CLTCL1: variants seen among roughly 807,000 people sequenced by gnomAD.
The protein encoded by CLTCL1 is clathrin heavy chain 2.
In CLTCL1, 159 loss-of-function variants were observed where a neutral mutation model predicts 190.0. The ratio of observed to expected loss-of-function variants is 0.84; its 90% CI spans 0.74 to 0.95. The LOEUF (loss-of-function observed/expected upper bound fraction) is 0.95, where lower values mean the gene tolerates loss of function less well. Ranked by LOEUF, CLTCL1 falls within the 40% of genes least tolerant of loss-of-function variation. CLTCL1 has a pLI of 0.00. For missense variants in CLTCL1, 1,878 were observed against 2,033.4 expected (o/e 0.92, Z 1.47); for synonymous variants, 752 against 769.6 (o/e 0.98, Z 0.38).
At chr22:19,224,179 A>C (rs2085666740) in intron 13 of CLTCL1, 125 bp from the exon 14 acceptor site, 1 of 880,128 alleles carries the variant, frequency 1.1e-6, no homozygotes, top group African/African-American at 1.7e-5. Flanking sequence ...CTCAGAACTC[A>C]TAATCAATAT....
chr22:19,258,298 A>G (rs3788295), intron 2 of CLTCL1: 31,705 of 377,694 alleles, frequency 0.084, 2,592 homozygotes, highest in East Asian at 0.42. Context: ...AAGCTGACTC[A>G]GAAGAACCTA....
rs1243122817 is a variant in CLTCL1, at chr22:19,210,413, G to A, written c.3162C>T (p.Asp1054=). 8.7e-6 allele frequency: 14 copies of A among 1,613,920 alleles called. No homozygotes were observed. The highest frequency in any genetic ancestry group is 1.2e-5 in the Non-Finnish European group (14 of 1,179,894). The change falls in exon 20 of 33, where the codon GAC becomes GAT. Residue 1054 remains aspartate (D), a synonymous_variant. Transcript: ENST00000427926. ...ISRLDNYDAL[D]IASIAVSSAL... ...CGCTGCTGACAGCGATGCTCGCGATGTCCAGTGCGTCATAGTTGTCCAGGC... is the reference window on the plus strand; with the variant it reads ...CGCTGCTGACAGCGATGCTCGCGATATCCAGTGCGTCATAGTTGTCCAGGC...
intron 26 of CLTCL1, among the ~76,000 whole-genome samples, chr22:19,195,320 C>T (rs202171358): frequency 2.0e-5 from 3 of 152,186 alleles, no homozygotes; most frequent in East Asian, 3.9e-4. Context: ...CCACCATGCC[C>T]AGTAACATGG....
rs71184793 is a variant in CLTCL1 at position 19,217,615 on chromosome 22, CAAAAAAAAAAA to C, written c.2920-1370_2920-1360del. Among the ~76,000 whole-genome samples the C allele has an allele frequency of 2.9e-4, 10 of 34,770 alleles. 1 individual carries two copies. In the South Asian group the frequency reaches 7.8e-3, roughly 27 times the overall value. 22.8% of individuals were successfully genotyped at this position (34,770 alleles called of 152,430 possible). The stretch of plus-strand genomic sequence containing the variant: ...TGAGTGACAAAGTAAGACTCTGTCT[CAAAAAAAAAAA>C]AAAAAAAAAAAAAGAGTTCGAGACC... On this transcript the variant is annotated intron_variant, in intron 18 of 32. Coordinates refer to ENST00000427926, the MANE Select transcript of CLTCL1 (RefSeq NM_007098.4).
intron 4 of CLTCL1, among the ~76,000 whole-genome samples, chr22:19,241,395 A>G (rs547831854): frequency 1.3e-5 from 2 of 152,336 alleles, no homozygotes; most frequent in East Asian, 3.9e-4. Context: ...TTTGAGCCAC[A>G]TAACTAAAGT....
intron 21 of CLTCL1, 146 bp downstream of exon 21, chr22:19,208,776 T>C (rs1395373032): frequency 4.5e-6 from 3 of 662,914 alleles, no homozygotes; most frequent in Non-Finnish European, 7.6e-6. Flanking sequence ...TCTCAGACTC[T>C]TGTGGGAAAC....
At chr22:19,266,032 C>T (rs558855450) in intron 2 of CLTCL1, among the ~76,000 whole-genome samples, 17 of 151,712 alleles carry the variant, frequency 1.1e-4, no homozygotes, top group Admixed American at 2.0e-4. Context: ...TACTACCACA[C>T]TGGCTAGTTT....
chr22:19,208,337 T>C (rs1271359844), intron 21 of CLTCL1, 26 bp from the exon 22 acceptor site: 5 of 1,611,068 alleles, frequency 3.1e-6, no homozygotes. Flanking sequence ...AAAGATAGGT[T>C]AACCCAGAGC....
intron 2 of CLTCL1, chr22:19,257,612 C>A: frequency 4.9e-6 from 2 of 407,362 alleles, no homozygotes; most frequent in Non-Finnish European, 4.7e-6. Flanking sequence ...GGTTGATCAG[C>A]AGTCCAGCCG....
chr22:19,215,543 A>G (rs1601543655), intron 19 of CLTCL1, among the ~76,000 whole-genome samples: 1 of 151,244 alleles, frequency 6.6e-6, no homozygotes, highest in Non-Finnish European at 1.5e-5. Flanking sequence ...CGAAACACAC[A>G]CTCCCACCTC....
chr22:19,212,585 GAGAAAGAAAGAAAGA>G (rs1569177520), intron 19 of CLTCL1, among the ~76,000 whole-genome samples: 1 of 113,060 alleles, frequency 8.8e-6, no homozygotes, highest in African/African-American at 3.3e-5. Flanking sequence ...AAGAAAGAAA[GAGAAAGAAAGAAAGA>G]AAGGAAGGAA....
At chr22:19,268,664 C>T (rs1251322772) in intron 2 of CLTCL1, among the ~76,000 whole-genome samples, 1 of 152,036 alleles carries the variant, frequency 6.6e-6, no homozygotes, top group Non-Finnish European at 1.5e-5. Flanking sequence ...TAGTACACAA[C>T]CACTGGAATT....
rs781801627 is a variant in CLTCL1 at position 19,254,197 on chromosome 22, T to G, written c.281A>C (p.Glu94Ala). 1 of 1,613,438 alleles carries G rather than the reference T, an allele frequency of 6.2e-7. No individual in the cohort carries two copies. The highest frequency in any genetic ancestry group is 1.3e-5 in the African/African-American group (1 of 75,052). ...ATGAGCCTTCATTTTACTCTTCATC[T>G]CAATATTAAAGATCTGAAGTGTCTT... ...AGKTLQIFNI[E>A]MKSKMKAHTM... is the part of the protein sequence containing the mutation. Residue 94 changes from glutamate to alanine, a missense_variant, in exon 3 of 33, where the codon GAG (glutamate) becomes GCG (alanine). Glu to Ala is a moderately radical substitution (Grantham distance 107, BLOSUM62 -1). Coordinates refer to ENST00000427926, the MANE Select transcript of CLTCL1 (RefSeq NM_007098.4).
chr22:19,197,363 C>A (rs2084743985), intron 24 of CLTCL1, among the ~76,000 whole-genome samples: 1 of 152,118 alleles, frequency 6.6e-6, no homozygotes, highest in Non-Finnish European at 1.5e-5. Context: ...AGCATCTGCA[C>A]CCCCCAATCA....
At chr22:19,252,014 T>C (rs1408516062) in intron 3 of CLTCL1, among the ~76,000 whole-genome samples, 6 of 152,240 alleles carry the variant, frequency 3.9e-5, no homozygotes, top group Admixed American at 3.9e-4. Flanking sequence ...TAGTCACACA[T>C]GCTTCATATC....
In CLTCL1 at chr22:19,187,975, A is replaced by T; in HGVS notation, c.4434+6T>A. ...CCCAGGACAGGGCTCCTTCCTGCACACCCACCTGATAGTCCTCCTCCTCTG... is the reference window on the plus strand; with the variant it reads ...CCCAGGACAGGGCTCCTTCCTGCACTCCCACCTGATAGTCCTCCTCCTCTG... On this transcript the variant is annotated splice_donor_region_variant and intron_variant, in intron 28 of 32. Coordinates refer to ENST00000427926, the MANE Select transcript of CLTCL1 (RefSeq NM_007098.4). 1 of 1,613,004 alleles carries T rather than the reference A, an allele frequency of 6.2e-7. No homozygotes were observed. Among genetic ancestry groups the T allele is most frequent in the Non-Finnish European group, 8.5e-7 (1 of 1,179,052 alleles).
intron 5 of CLTCL1, chr22:19,238,404 A>G (rs2086148788): frequency 6.5e-6 from 1 of 154,132 alleles, no homozygotes; most frequent in Non-Finnish European, 1.5e-5. Context: ...TTTCTTATAT[A>G]TTTTACATCC....
intron 27 of CLTCL1, among the ~76,000 whole-genome samples, chr22:19,189,007 G>T (rs544373858): frequency 6.6e-6 from 1 of 150,974 alleles, no homozygotes; most frequent in Admixed American, 6.6e-5. Context: ...GGGTTCAAGC[G>T]ATTCTCCTGC....
At chr22:19,211,133 C>T (rs950834349) in intron 19 of CLTCL1, among the ~76,000 whole-genome samples, 39 of 152,128 alleles carry the variant, frequency 2.6e-4, no homozygotes, top group African/African-American at 9.2e-4. Context: ...CAGTGTAACA[C>T]ACCACATATC....
Sources: allele counts gnomAD v4.1 joint callset (sites outside exome capture counted in the v4.1 genomes callset), GRCh38; gene constraint gnomAD v4.1.1; transcripts MANE v1.5; gene names NCBI Gene and HGNC (gene_info 2026-07-23, HGNC 2026-07-21).